The following SMR3B variants were observed in gnomAD, a reference collection of about 807,000 sequenced individuals.
SMR3B encodes the protein submaxillary gland androgen regulated protein 3B.
For synonymous variants in SMR3B, 42 were observed against 36.1 expected (o/e 1.16, Z -0.59); for missense variants, 114 against 99.9 (o/e 1.14, Z -0.60).
chr4:70,389,745 T>C lies in SMR3B; in HGVS notation c.137T>C (p.Val46Ala), dbSNP rs750043068. The change falls in exon 3 of 3, where the codon GTT becomes GCT. Residue 46 changes from valine to alanine, a missense_variant. Transcript: ENST00000304915. The stretch of plus-strand genomic sequence containing the variant: ...CCTCAACCTTTTGGCCCAGGATTTG[T>C]TCCACCACCTCCTCCTCCACCCTAT... ...APPQPFGPGF[V>A]PPPPPPPYGP... 6.2e-7 allele frequency: 1 copy of C among 1,614,046 alleles called. No individual in the cohort carries two copies. The highest frequency in any genetic ancestry group is 8.5e-7 in the Non-Finnish European group (1 of 1,180,006).
At chr4:70,384,800 A>T in intron 2 of SMR3B, 1 of 622,216 alleles carries the variant, frequency 1.6e-6, no homozygotes, top group East Asian at 3.3e-5. Context: ...CATTAAACAG[A>T]TACGTATAAA....
At chr4:70,389,261 A>G (rs962555685) in intron 2 of SMR3B, among the ~76,000 whole-genome samples, 8 of 152,054 alleles carry the variant, frequency 5.3e-5, no homozygotes, top group African/African-American at 1.9e-4. Flanking sequence ...TCTGCAGCTC[A>G]GTGTCCTTTT....
chr4:70,384,005 A>C (rs1732608454), intron 1 of SMR3B, among the ~76,000 whole-genome samples: 1 of 113,134 alleles, frequency 8.8e-6, no homozygotes. Flanking sequence ...TATATCCAAC[A>C]GGGTGATTCC....
chr4:70,384,425 T>C, intron 1 of SMR3B, 72 bp from the exon 2 acceptor site: 1 of 1,594,672 alleles, frequency 6.3e-7, no homozygotes, highest in East Asian at 2.2e-5. Flanking sequence ...TATATCCAAG[T>C]GTTGAGACAT....
At chr4:70,383,490 G>C (rs779146373) in intron 1 of SMR3B, among the ~76,000 whole-genome samples, 44 of 152,094 alleles carry the variant, frequency 2.9e-4, no homozygotes, top group Non-Finnish European at 5.7e-4. Context: ...GTACCTTAAA[G>C]TTCTTGAAAC....
intron 2 of SMR3B, among the ~76,000 whole-genome samples, chr4:70,387,450 G>A (rs1732687278): frequency 6.6e-6 from 1 of 152,100 alleles, no homozygotes; most frequent in Non-Finnish European, 1.5e-5. Flanking sequence ...ATAAATGATA[G>A]TTGTTTTCTG....
chr4:70,383,868 T>C (rs756283908), intron 1 of SMR3B, among the ~76,000 whole-genome samples: 1 of 152,142 alleles, frequency 6.6e-6, no homozygotes, highest in Non-Finnish European at 1.5e-5. Context: ...GACATCTCCA[T>C]GTTCTTGCCT....
At chr4:70,387,418 G>C (rs184543822) in intron 2 of SMR3B, among the ~76,000 whole-genome samples, 3 of 152,240 alleles carry the variant, frequency 2.0e-5, no homozygotes, top group East Asian at 1.9e-4. Flanking sequence ...ATAGGATTGT[G>C]GGGGAGAAGG....
intron 2 of SMR3B, among the ~76,000 whole-genome samples, chr4:70,385,709 T>A (rs1732652572): frequency 1.3e-5 from 2 of 151,980 alleles, no homozygotes; most frequent in Admixed American, 1.3e-4. Context: ...CGGCCTCATC[T>A]ACTTTCAAAA....
intron 1 of SMR3B, among the ~76,000 whole-genome samples, chr4:70,383,449 T>C (rs1205391081): frequency 6.6e-6 from 1 of 152,124 alleles, no homozygotes; most frequent in Non-Finnish European, 1.5e-5. Flanking sequence ...AATCGGTCCA[T>C]CCAAGTACAC....
At chr4:70,387,482 A>C (rs1732687586) in intron 2 of SMR3B, among the ~76,000 whole-genome samples, 1 of 152,186 alleles carries the variant, frequency 6.6e-6, no homozygotes, top group Admixed American at 6.5e-5. Flanking sequence ...CCAGTTTATA[A>C]TTCCTGCCAT....
intron 1 of SMR3B, among the ~76,000 whole-genome samples, chr4:70,384,053 A>T (rs1346476582): frequency 6.6e-6 from 1 of 152,012 alleles, no homozygotes; most frequent in Non-Finnish European, 1.5e-5. Context: ...TCCAAGCAAT[A>T]AAATTTGTAA....
chr4:70,386,704 T>G (rs1732671938), intron 2 of SMR3B, among the ~76,000 whole-genome samples: 1 of 152,184 alleles, frequency 6.6e-6, no homozygotes, highest in Non-Finnish European at 1.5e-5. Context: ...ACTATGAAGA[T>G]TTTTCATTAC....
chr4:70,387,204 A>G (rs908003225), intron 2 of SMR3B, among the ~76,000 whole-genome samples: 3 of 152,206 alleles, frequency 2.0e-5, no homozygotes, highest in African/African-American at 7.2e-5. Context: ...CAGGGAAATA[A>G]TATAACTTGA....
chr4:70,384,132 T>G (rs1044414453), intron 1 of SMR3B, among the ~76,000 whole-genome samples: 9 of 152,146 alleles, frequency 5.9e-5, no homozygotes, highest in African/African-American at 2.2e-4. Context: ...TCTACTATTT[T>G]TAAAATATCA....
chr4:70,387,941 G>A (rs534043419), intron 2 of SMR3B, among the ~76,000 whole-genome samples: 7 of 152,284 alleles, frequency 4.6e-5, no homozygotes, highest in Admixed American at 1.3e-4. Context: ...ATGCTTTGCC[G>A]TAATACTAAA....
At chr4:70,384,648 A>G in intron 2 of SMR3B, 84 bp downstream of exon 2, 2 of 1,558,908 alleles carry the variant, frequency 1.3e-6, no homozygotes, top group Non-Finnish European at 1.7e-6. Flanking sequence ...TAATGATGTT[A>G]CCTTTTCTTA....
intron 2 of SMR3B, among the ~76,000 whole-genome samples, chr4:70,386,927 G>T (rs1376930521): frequency 6.6e-6 from 1 of 152,166 alleles, no homozygotes; most frequent in Non-Finnish European, 1.5e-5. Flanking sequence ...TAATACCACA[G>T]AATGTCATTA....
intron 2 of SMR3B, among the ~76,000 whole-genome samples, chr4:70,385,399 T>A (rs1259621699): frequency 2.2e-4 from 1 of 4,502 alleles, no homozygotes. Flanking sequence ...ATCTACTTTG[T>A]TTTTTTTTTT....
Sources: gnomAD v4.1 joint callset for allele counts (sites outside exome capture counted in the v4.1 genomes callset) on GRCh38, gnomAD v4.1.1 for gene constraint, MANE v1.5 for transcripts, NCBI Gene and HGNC (gene_info 2026-07-23, HGNC 2026-07-21) for gene names.